Variants in P2RX3 observed in about 807,000 individuals in gnomAD.
P2RX3 encodes P2X purinoceptor 3.
Under a neutral mutation model 51.5 loss-of-function variants are expected in P2RX3, and 41 were observed. That is an observed-to-expected ratio of 0.80 (90% CI 0.62 to 1.03). The LOEUF is 1.03. Among genes scored for constraint, P2RX3 ranks in the 50% least tolerant of loss-of-function variants. The pLI, the probability that P2RX3 is intolerant of heterozygous loss-of-function variation, is 0.00. For missense variants in P2RX3, 459 were observed against 522.1 expected, an observed-to-expected ratio of 0.88 and a Z score of 1.18; for synonymous variants, 185 against 191.6, an observed-to-expected ratio of 0.97 and a Z score of 0.29.
At chr11:57,346,159 A>G (rs1013643846) in intron 1 of P2RX3, among the ~76,000 whole-genome samples, 1 of 152,202 alleles carries the variant, frequency 6.6e-6, no homozygotes, top group Non-Finnish European at 1.5e-5. Context: ...GCAGCATGGA[A>G]TGACTTTGAG....
At chr11:57,354,734 T>A (rs1197301302) in intron 8 of P2RX3, among the ~76,000 whole-genome samples, 2 of 149,514 alleles carry the variant, frequency 1.3e-5, no homozygotes, top group African/African-American at 5.1e-5. Flanking sequence ...AGTGTGTCAG[T>A]GTGTGTGTGT....
intron 7 of P2RX3, chr11:57,350,182 C>T: frequency 2.2e-6 from 1 of 461,220 alleles, no homozygotes; most frequent in South Asian, 3.0e-5. Context: ...CTGTAATAAG[C>T]CCCAAACGAC....
At chr11:57,342,540 A>T (rs1166326257) in intron 1 of P2RX3, among the ~76,000 whole-genome samples, 2 of 151,996 alleles carry the variant, frequency 1.3e-5, no homozygotes, top group African/African-American at 4.8e-5. Context: ...CCAATATGGA[A>T]CGTAGAGCAC....
rs537224518 is a variant in P2RX3 at position 57,355,514 on chromosome 11, T to C, written c.842+4616T>C. ...CGCCACCACGCCCAGCTAATTTTTG[T>C]ATTTTTAGTAGAGACGGGATTTCAA... On this transcript the variant is annotated intron_variant, in intron 8 of 11. Coordinates refer to ENST00000263314, the MANE Select transcript of P2RX3 (RefSeq NM_002559.5). Among the ~76,000 whole-genome samples the C allele has an allele frequency of 3.3e-5, 5 of 152,194 alleles. No individual in the cohort carries two copies. The East Asian group carries it at 9.7e-4, about 30-fold the overall frequency.
chr11:57,347,359 G>C (rs1856456616), intron 3 of P2RX3, 56 bp from the exon 4 acceptor site: 3 of 1,542,514 alleles, frequency 1.9e-6, no homozygotes, highest in Non-Finnish European at 2.6e-6. Context: ...GGGAGTCGCG[G>C]AGCTCACCAG....
intron 8 of P2RX3, among the ~76,000 whole-genome samples, chr11:57,360,482 C>T (rs1856697559): frequency 6.6e-6 from 1 of 151,972 alleles, no homozygotes; most frequent in Admixed American, 6.6e-5. Flanking sequence ...GAGCATTAGG[C>T]CTTTGGGCAA....
At chr11:57,339,321 G>A (rs932864427) in intron 1 of P2RX3, among the ~76,000 whole-genome samples, 11 of 152,158 alleles carry the variant, frequency 7.2e-5, no homozygotes, top group Non-Finnish European at 1.3e-4. Flanking sequence ...CAAGGGAAGA[G>A]TGGCCAAGGA....
At chr11:57,369,821 G>T in intron 11 of P2RX3, 63 bp from the exon 12 acceptor site, 1 of 1,194,250 alleles carries the variant, frequency 8.4e-7, no homozygotes, top group Non-Finnish European at 1.2e-6. Context: ...CTGTCAAATG[G>T]GGTCACAAAA....
chr11:57,346,793 A>G, intron 2 of P2RX3, 114 bp downstream of exon 2: 2 of 1,421,522 alleles, frequency 1.4e-6, no homozygotes, highest in Non-Finnish European at 1.9e-6. Context: ...CCATGATGTC[A>G]CTGATCCAGA....
At chr11:57,355,565 T>C (rs1856616837) in intron 8 of P2RX3, among the ~76,000 whole-genome samples, 2 of 152,250 alleles carry the variant, frequency 1.3e-5, no homozygotes, top group South Asian at 4.1e-4. Flanking sequence ...GGTCTCGAAC[T>C]CCTAACTTCA....
At chr11:57,369,202 A>G (rs1181477221) in intron 10 of P2RX3, among the ~76,000 whole-genome samples, 159 bp from the exon 11 acceptor site, 2 of 152,144 alleles carry the variant, frequency 1.3e-5, no homozygotes, top group Non-Finnish European at 2.9e-5. Context: ...GAGGACATTC[A>G]AACCATAGCA....
At chr11:57,345,595 G>A (rs1010690937) in intron 1 of P2RX3, among the ~76,000 whole-genome samples, 6 of 152,114 alleles carry the variant, frequency 3.9e-5, no homozygotes, top group African/African-American at 1.4e-4. Context: ...GAGGCTGAGC[G>A]GGGACTTCAG....
chr11:57,354,324 G>A (rs1010983559), intron 8 of P2RX3, among the ~76,000 whole-genome samples: 2 of 152,094 alleles, frequency 1.3e-5, no homozygotes, highest in African/African-American at 4.8e-5. Context: ...GTTCTGCGTG[G>A]CTAAAGACTC....
In P2RX3 at chr11:57,347,170, C is replaced by T. The variant is rs758965471; in HGVS notation, c.310C>T (p.Gln104Ter). ...TKMIVTENQMQGFCPESEEKY... is the reference protein window; with the variant it reads ...TKMIVTENQM Reference sequence around the variant, plus strand: ...GATGATTGTTACTGAAAATCAGATGCAAGGATTCTGCCCAGAGGTGAGGGG... The same window carrying T: ...GATGATTGTTACTGAAAATCAGATGTAAGGATTCTGCCCAGAGGTGAGGGG... The change falls in exon 3 of 12, where the codon CAA (glutamine) becomes TAA (stop). Residue 104 changes from glutamine to a stop codon, truncating the protein, a stop_gained. Coordinates refer to ENST00000263314, the MANE Select transcript of P2RX3 (RefSeq NM_002559.5). LOFTEE classifies it high-confidence loss of function. The T allele has an allele frequency of 6.2e-7, 1 of 1,613,596 alleles. No homozygotes were observed. The highest frequency in any genetic ancestry group is 2.2e-5 in the East Asian group (1 of 44,884).
At chr11:57,352,393 A>G (rs1013878388) in intron 8 of P2RX3, among the ~76,000 whole-genome samples, 2 of 152,222 alleles carry the variant, frequency 1.3e-5, no homozygotes, top group African/African-American at 2.4e-5. Flanking sequence ...ACTGGCAGAA[A>G]TTGGCATATT....
rs953537944 is a variant in P2RX3 at position 57,350,536 on chromosome 11, C to A, written c.706-226C>A. The A allele has an allele frequency of 1.2e-5, 6 of 507,976 alleles. No homozygotes were observed. The South Asian group carries it at 1.3e-4, about 11-fold the overall frequency. The allele number at this position is 507,976 out of a possible 1,614,324, so 31.5% of individuals were successfully genotyped here. On this transcript the variant is annotated intron_variant, in intron 7 of 11. Coordinates refer to ENST00000263314, the MANE Select transcript of P2RX3 (RefSeq NM_002559.5). ...TGACCTCGTGATCCGCCCGCCTCGG[C>A]CTCCCAAAGTGCTGGGATTACAGGC...
intron 8 of P2RX3, among the ~76,000 whole-genome samples, chr11:57,363,476 C>T (rs1183413999): frequency 1.3e-5 from 2 of 152,268 alleles, no homozygotes; most frequent in East Asian, 3.9e-4. Context: ...TCTCTAGAGC[C>T]TCAGAGTCCT....
intron 8 of P2RX3, among the ~76,000 whole-genome samples, chr11:57,353,303 T>C (rs1241927032): frequency 6.6e-6 from 1 of 152,210 alleles, no homozygotes; most frequent in East Asian, 1.9e-4. Context: ...TTTTGTGTGC[T>C]TCAGCTCAGC....
At chr11:57,350,648 C>T (rs919372039) in intron 7 of P2RX3, 114 bp from the exon 8 acceptor site, 1 of 1,427,106 alleles carries the variant, frequency 7.0e-7, no homozygotes, top group Non-Finnish European at 9.6e-7. Context: ...CTCCGTCTCC[C>T]ACCTGGAGGA....
Sources: allele counts gnomAD v4.1 joint callset (sites outside exome capture counted in the v4.1 genomes callset), GRCh38; gene constraint gnomAD v4.1.1; transcripts MANE v1.5; gene names NCBI Gene and HGNC (gene_info 2026-07-23, HGNC 2026-07-21).